Variants in PSMD3 observed in about 807,000 individuals in gnomAD.
The protein encoded by PSMD3 is proteasome 26S subunit, non-ATPase 3.
Under a neutral mutation model 62.8 loss-of-function variants are expected in PSMD3, and 5 were observed. The ratio of observed to expected loss-of-function variants is 0.08; its 90% CI spans 0.04 to 0.17. PSMD3 has a LOEUF of 0.17. PSMD3 is among the 10% of genes least tolerant of loss of function. The pLI, the probability that PSMD3 is intolerant of heterozygous loss-of-function variation, is 1.00. For missense variants in PSMD3, 524 were observed against 713.6 expected (o/e 0.73, Z 3.03); for synonymous variants, 265 against 283.9 (o/e 0.93, Z 0.67).
In PSMD3 at chr17:39,981,114, G is replaced by T. The variant is rs750687762; in HGVS notation, c.144G>T (p.Thr48=). 1.9e-6 allele frequency: 3 copies of T among 1,550,382 alleles called. No homozygotes were observed. The highest frequency in any genetic ancestry group is 1.2e-5 in the South Asian group (1 of 84,030). The part of the protein sequence containing the change: ...KEEAATGGGS[T]GEADGKTAAA... Reference sequence around the variant, plus strand: ...AGGCAGCGACGGGTGGCGGGTCGACGGGGGAGGCAGACGGCAAGACGGCGG... The same window carrying T: ...AGGCAGCGACGGGTGGCGGGTCGACTGGGGAGGCAGACGGCAAGACGGCGG... Residue 48 remains threonine (T), a synonymous_variant, in exon 1 of 12, where the codon ACG becomes ACT. Transcript: ENST00000264639.
At chr17:39,983,193 C>T (rs774538853) in intron 1 of PSMD3, among the ~76,000 whole-genome samples, 4 of 152,048 alleles carry the variant, frequency 2.6e-5, no homozygotes, top group Admixed American at 6.6e-5. Flanking sequence ...CCACCACGCC[C>T]GGCTAATTTT....
rs762114474 is a variant in PSMD3, at chr17:39,989,890, G to A, written c.838G>A (p.Ala280Thr). 6.2e-6 allele frequency: 10 copies of A among 1,614,008 alleles called. No individual in the cohort carries two copies. Among genetic ancestry groups the A allele is most frequent in the Non-Finnish European group, 8.5e-6 (10 of 1,180,012 alleles). Residue 280 changes from alanine (A) to threonine (T), a missense_variant, in exon 5 of 12, where the codon GCC becomes ACC. This residue lies in a region of PSMD3 where 396 missense variants were observed against 475.8 expected (regional missense o/e 0.83). Coordinates refer to ENST00000264639, the MANE Select transcript of PSMD3 (RefSeq NM_002809.4). ...LVSKSVFPEQ[A>T]NNNEWARYLY... is the part of the protein sequence containing the mutation. ...GTCCAAGTCTGTGTTCCCAGAGCAG[G>A]CCAACAACAATGAGTGGGCCAGGTA... is the stretch of plus-strand genomic sequence containing the variant.
chr17:39,992,399 CT>C (rs1310556023), intron 6 of PSMD3, among the ~76,000 whole-genome samples: 1 of 151,896 alleles, frequency 6.6e-6, no homozygotes, highest in Non-Finnish European at 1.5e-5. Context: ...TGCCGTACCC[CT>C]GTCACCACCC....
chr17:39,985,993 GT>G (rs2144809355), intron 2 of PSMD3, among the ~76,000 whole-genome samples: 1 of 152,294 alleles, frequency 6.6e-6, no homozygotes, highest in Non-Finnish European at 1.5e-5. Context: ...CTCTTTGAAG[GT>G]TCCTTACATC....
chr17:39,995,973 G>C lies in PSMD3; in HGVS notation c.1321-210G>C. ...ATCTCTACTGAAAATACAAAAATTA[G>C]CCAGGCCTGGTGGCAGGTTCCTGTA... On this transcript the variant is annotated intron_variant, in intron 9 of 11. Transcript: ENST00000264639. The surrounding 1 kb of genome is among the most constrained non-coding windows in gnomAD (Gnocchi z 4.1). The C allele has an allele frequency of 1.7e-6, 1 of 594,876 alleles. No individual in the cohort carries two copies. The highest frequency in any genetic ancestry group is 2.9e-6 in the Non-Finnish European group (1 of 345,600). 36.8% of individuals were successfully genotyped at this position (594,876 alleles called of 1,614,324 possible). A position where few individuals can be genotyped will look rare whatever the true frequency, so the allele number is the denominator to read the frequency against.
intron 6 of PSMD3, among the ~76,000 whole-genome samples, chr17:39,992,530 G>C (rs1980682419): frequency 6.6e-6 from 1 of 152,200 alleles, no homozygotes; most frequent in African/African-American, 2.4e-5. Flanking sequence ...TCTGAGGAGG[G>C]CGGTGCTGGC....
At chr17:39,986,521 C>G in intron 2 of PSMD3, 54 bp from the exon 3 acceptor site, 1 of 1,593,302 alleles carries the variant, frequency 6.3e-7, no homozygotes, top group Non-Finnish European at 8.6e-7. Context: ...TCAATAAATT[C>G]TTGGTTACTT....
At chr17:39,991,191 T>C (rs1411376772) in intron 6 of PSMD3, among the ~76,000 whole-genome samples, 1 of 152,126 alleles carries the variant, frequency 6.6e-6, no homozygotes, top group Non-Finnish European at 1.5e-5. Flanking sequence ...AGTCTTGCTC[T>C]GTCTCCCAGG....
rs774936001 is a variant in PSMD3 at position 39,995,115 on chromosome 17, G to C, written c.1096+47G>C. ...CAGAGCCCACTAGGCCCCCTTCAGT[G>C]GGGCCTCTTACATGCCTGTGCCTAT... On this transcript the variant is annotated intron_variant, in intron 7 of 11. Coordinates refer to ENST00000264639, the MANE Select transcript of PSMD3 (RefSeq NM_002809.4). The surrounding 1 kb of genome is among the most constrained non-coding windows in gnomAD (Gnocchi z 4.1). 6.2e-7 allele frequency: 1 copy of C among 1,613,822 alleles called. No homozygotes were observed. The highest frequency in any genetic ancestry group is 1.7e-5 in the Admixed American group (1 of 60,002).
chr17:39,987,952 A>G (rs1665198652), intron 3 of PSMD3, among the ~76,000 whole-genome samples: 1 of 152,154 alleles, frequency 6.6e-6, no homozygotes, highest in South Asian at 2.1e-4. Context: ...CTAAAAATAC[A>G]AAAAATTAGC....
rs752964262 is a variant in PSMD3, at chr17:39,988,755, G to T, written c.622G>T (p.Ala208Ser). The change falls in exon 4 of 12, where the codon GCA (alanine) becomes TCA (serine). Residue 208 changes from alanine to serine, a missense_variant. Physicochemically the swap from Ala to Ser is moderately conservative, Grantham distance 99. Around this residue, in one of 4 missense-constraint regions of PSMD3, gnomAD observed 396 missense variants for 475.8 expected, o/e 0.83. Transcript: ENST00000264639. ...QNRRALDLVAAKCYYYHARVY... is the reference protein window; with the variant it reads ...QNRRALDLVASKCYYYHARVY... ...CCGCCGGGCCCTAGACCTTGTAGCC[G>T]CAAAGTGTTACTATTATCACGCCCG... 3.7e-6 allele frequency: 6 copies of T among 1,614,072 alleles called. No homozygotes were observed. Among genetic ancestry groups the T allele is most frequent in the Non-Finnish European group, 4.2e-6 (5 of 1,179,976 alleles).
At position 39,980,885 on chromosome 17, in the gene PSMD3, G is replaced by C. The variant is rs1324572166; in HGVS notation, c.-86G>C. 3 of 1,225,718 alleles carry C rather than the reference G, an allele frequency of 2.4e-6. No individual in the cohort carries two copies. Among genetic ancestry groups the C allele is most frequent in the Non-Finnish European group, 3.3e-6 (3 of 912,634 alleles). The allele number at this position is 1,225,718 out of a possible 1,614,324, so 75.9% of individuals were successfully genotyped here. Reference sequence around the variant, plus strand: ...GACGCTATCTCGCGCTCGTGTGCAGGCCCGGCTCGGCTCCTGGTCCCCGGT... The same window carrying C: ...GACGCTATCTCGCGCTCGTGTGCAGCCCCGGCTCGGCTCCTGGTCCCCGGT... On this transcript the variant is annotated 5_prime_UTR_variant, in exon 1 of 12. Coordinates refer to ENST00000264639, the MANE Select transcript of PSMD3 (RefSeq NM_002809.4).
In PSMD3 at chr17:39,997,309, CCT is replaced by C. The variant is rs1480553250; in HGVS notation, c.1477-16_1477-15del. 6.8e-6 allele frequency: 11 copies of C among 1,613,454 alleles called. No homozygotes were observed. The African/African-American group carries it at 8.0e-5, about 12-fold the overall frequency. On this transcript the variant is annotated intron_variant, in intron 10 of 11. Transcript: ENST00000264639. Reference sequence around the variant, plus strand: ...ACCTGCTTCCTTCCCTCGCTCATCTCCTCTCTTTGCTGTGCCCCAGGCCATGA... The same window carrying C: ...ACCTGCTTCCTTCCCTCGCTCATCTCCTCTTTGCTGTGCCCCAGGCCATGA...
rs181805133 is a variant in PSMD3, at chr17:39,988,786, A to G, written c.653A>G (p.Tyr218Cys). 51 of 1,614,132 alleles carry G rather than the reference A, an allele frequency of 3.2e-5. No homozygotes were observed. Among genetic ancestry groups the G allele is most frequent in the East Asian group, 8.9e-5 (4 of 44,888 alleles). ...AKCYYYHARV[Y>C]EFLDKLDVVR... is the part of the protein sequence containing the mutation. ...TGTTACTATTATCACGCCCGGGTCT[A>G]TGAGTTCCTGGACAAGCTGGATGTG... Residue 218 changes from tyrosine to cysteine, a missense_variant, in exon 4 of 12, where the codon TAT (tyrosine) becomes TGT (cysteine). Physicochemically the swap from Tyr to Cys is radical, Grantham distance 194. This residue lies in a region of PSMD3 where 396 missense variants were observed against 475.8 expected (regional missense o/e 0.83). Coordinates refer to ENST00000264639, the MANE Select transcript of PSMD3 (RefSeq NM_002809.4).
In PSMD3 at chr17:39,984,364, C is replaced by A; in HGVS notation, c.291C>A (p.Ala97=). The part of the protein sequence containing the change: ...SGKEPRFVLR[A]LRMLPSTSRR... ...AGGAGCCGAGATTCGTGCTGCGGGC[C>A]CTGCGGATGCTGCCTTCCACATCAC... Residue 97 remains alanine (A), a synonymous_variant, in exon 2 of 12, where the codon GCC becomes GCA. Transcript: ENST00000264639. The A allele has an allele frequency of 1.2e-6, 2 of 1,613,774 alleles. No homozygotes were observed. Among genetic ancestry groups the A allele is most frequent in the South Asian group, 1.1e-5 (1 of 91,062 alleles).
intron 1 of PSMD3, among the ~76,000 whole-genome samples, chr17:39,982,723 A>G (rs1980418040): frequency 6.6e-6 from 1 of 152,238 alleles, no homozygotes; most frequent in South Asian, 2.1e-4. Context: ...AGTGTGGCCC[A>G]GATACCCTGT....
intron 10 of PSMD3, 58 bp from the exon 11 acceptor site, chr17:39,997,272 C>T (rs549529442): frequency 2.0e-5 from 31 of 1,555,022 alleles, no homozygotes; most frequent in Admixed American, 8.3e-5. Context: ...GTGCAGGTTG[C>T]GTGAGTGCCT....
In PSMD3 at chr17:39,984,356, C is replaced by T; in HGVS notation, c.283C>T (p.Leu95=). Residue 95 remains leucine, a synonymous_variant, in exon 2 of 12, where the codon CTG becomes TTG. Transcript: ENST00000264639. The part of the protein sequence containing the change: ...AVSGKEPRFV[L]RALRMLPSTS... ...TTCAGGCAAGGAGCCGAGATTCGTG[C>T]TGCGGGCCCTGCGGATGCTGCCTTC... 6.2e-7 allele frequency: 1 copy of T among 1,613,808 alleles called. No individual in the cohort carries two copies. Among genetic ancestry groups the T allele is most frequent in the Non-Finnish European group, 8.5e-7 (1 of 1,180,030 alleles).
chr17:39,984,213 A>AG lies in PSMD3; in HGVS notation c.221-81_221-80insG. On this transcript the variant is annotated intron_variant, in intron 1 of 11. Coordinates refer to ENST00000264639, the MANE Select transcript of PSMD3 (RefSeq NM_002809.4). ...AGACTCCGTCTCAAAAAAAAAAAAA[A>AG]AAAAAAAAAGAACTCCTTGCCTGGA... is the stretch of plus-strand genomic sequence containing the variant. The AG allele has an allele frequency of 1.2e-5, 10 of 832,826 alleles. No individual in the cohort carries two copies. In the South Asian group the frequency reaches 1.9e-4, roughly 16 times the overall value. The allele number at this position is 832,826 out of a possible 1,614,324, so 51.6% of individuals were successfully genotyped here. A position where few individuals can be genotyped will look rare whatever the true frequency, so the allele number is the denominator to read the frequency against.
Sources: allele counts gnomAD v4.1 joint callset (sites outside exome capture counted in the v4.1 genomes callset), GRCh38; gene constraint gnomAD v4.1.1; regional missense constraint gnomAD v4.1.1; non-coding constraint Gnocchi (gnomAD v3.1); transcripts MANE v1.5; gene names NCBI Gene and HGNC (gene_info 2026-07-23, HGNC 2026-07-21).